SUMO3: variants seen among roughly 807,000 people sequenced by gnomAD.
SUMO3 encodes small ubiquitin like modifier 3.
SUMO3 carries 2 observed loss-of-function variants against 11.1 expected under a neutral mutation model. The observed-to-expected ratio is 0.18, with a 90% CI of 0.07 to 0.57. SUMO3 has a LOEUF of 0.57. Ranked by LOEUF, SUMO3 falls within the 20% of genes least tolerant of loss-of-function variation. SUMO3 has a pLI of 0.92. For synonymous variants in SUMO3, 56 were observed against 53.5 expected (o/e 1.05, Z -0.20); for missense variants, 70 against 132.8 (o/e 0.53, Z 2.32).
At chr21:44,817,911 C>T in intron 1 of SUMO3, 37 bp downstream of exon 1, 1 of 917,210 alleles carries the variant, frequency 1.1e-6, no homozygotes, top group Non-Finnish European at 1.3e-6. Context: ...GGGACGCCCG[C>T]GATAGACGCG....
chr21:44,806,963 C>A lies in SUMO3; in HGVS notation c.300G>T (p.Gly100=). The A allele has an allele frequency of 6.2e-7, 1 of 1,614,070 alleles. No homozygotes were observed. The stretch of plus-strand genomic sequence containing the variant: ...GGGGACGGGCCCTCTAGAAACTGTG[C>A]CCTGCCAGGCTGCTCTCCGGCACAC... ...TGGVPESSLA[G]HSF The change falls in exon 4 of 4, where the codon GGG becomes GGT. Residue 100 remains glycine (G), a synonymous_variant. Transcript: ENST00000332859.
chr21:44,810,283 T>C lies in SUMO3; in HGVS notation c.151-1165A>G, dbSNP rs2083202514. ...AAACGGGAGTGGGGATGGGCAGATA[T>C]GTCAATGCTGGGCTGAGCCAGAGGC... On this transcript the variant is annotated intron_variant, in intron 2 of 3. Coordinates refer to ENST00000332859, the MANE Select transcript of SUMO3 (RefSeq NM_006936.3). The surrounding 1 kb of genome is among the most constrained non-coding windows in gnomAD (Gnocchi z 4.1). Among the ~76,000 whole-genome samples, 1 of 152,072 alleles carries C rather than the reference T, an allele frequency of 6.6e-6. No individual in the cohort carries two copies.
intron 1 of SUMO3, among the ~76,000 whole-genome samples, chr21:44,814,442 C>T (rs1022785587): frequency 2.6e-5 from 4 of 152,226 alleles, no homozygotes; most frequent in African/African-American, 9.6e-5. Context: ...TGGCTCACAC[C>T]TGTTATCCCA....
chr21:44,806,676 G>T lies in SUMO3; in HGVS notation c.*275C>A, dbSNP rs138672270. On this transcript the variant is annotated 3_prime_UTR_variant, in exon 4 of 4. Transcript: ENST00000332859. ...TGGGGTTAAAAAAATGTTGTAGGAGGGGGGGAAAACACAAATGAGCACACA... is the reference window on the plus strand; with the variant it reads ...TGGGGTTAAAAAAATGTTGTAGGAGTGGGGGAAAACACAAATGAGCACACA... 1.5e-3 allele frequency: 1,004 copies of T among 691,586 alleles called. 6 individuals are homozygous for T. In the African/African-American group the frequency reaches 0.016, roughly 11 times the overall value. 42.8% of individuals were successfully genotyped at this position (691,586 alleles called of 1,614,324 possible).
chr21:44,812,353 T>C (rs2083217279), intron 2 of SUMO3, among the ~76,000 whole-genome samples: 1 of 152,092 alleles, frequency 6.6e-6, no homozygotes, highest in Non-Finnish European at 1.5e-5. Flanking sequence ...GTGCTGGGAT[T>C]ACAGGCATAA....
intron 2 of SUMO3, among the ~76,000 whole-genome samples, chr21:44,812,437 GA>G (rs112016907): frequency 1.2e-4 from 18 of 151,694 alleles, no homozygotes; most frequent in East Asian, 7.7e-4. Context: ...AAATAAAAAA[GA>G]AAAAAAAGTT....
At chr21:44,813,493 A>G in intron 2 of SUMO3, 1 of 276,520 alleles carries the variant, frequency 3.6e-6, no homozygotes, top group Admixed American at 4.7e-5. Flanking sequence ...GGAAAGAATC[A>G]CGCGCTTTCT....
In SUMO3 at chr21:44,807,451, G is replaced by A. The variant is rs2083184093; in HGVS notation, c.223-411C>T. ...CCTTGCGCTTTATACCAAGTGCGGG[G>A]GACCATGCCATGAAAGCCAAAGCCC... On this transcript the variant is annotated intron_variant, in intron 3 of 3. Coordinates refer to ENST00000332859, the MANE Select transcript of SUMO3 (RefSeq NM_006936.3). This position sits in a 1 kb window ranked among gnomAD's most constrained non-coding sequence, Gnocchi z 4.3. 6.6e-6 allele frequency among the ~76,000 whole-genome samples: 1 copy of A among 152,132 alleles called. No homozygotes were observed. The highest frequency in any genetic ancestry group is 1.9e-4 in the East Asian group (1 of 5,176).
chr21:44,806,919 A>G lies in SUMO3; in HGVS notation c.*32T>C. ...GTGCTCACCATTCAACAGCAATGCG[A>G]GGATGGACGGCCCGGGCTGGGGACG... On this transcript the variant is annotated 3_prime_UTR_variant, in exon 4 of 4. Transcript: ENST00000332859. 3 of 1,613,810 alleles carry G rather than the reference A, an allele frequency of 1.9e-6. No homozygotes were observed. The highest frequency in any genetic ancestry group is 2.5e-6 in the Non-Finnish European group (3 of 1,179,898).
At chr21:44,812,696 C>T (rs2083219563) in intron 2 of SUMO3, among the ~76,000 whole-genome samples, 1 of 152,232 alleles carries the variant, frequency 6.6e-6, no homozygotes, top group Non-Finnish European at 1.5e-5. Flanking sequence ...AGCAGCCAGC[C>T]TCACAAGCAG....
Position 44,806,656 on chromosome 21 carries a change from T to G in SUMO3, c.*295A>C. 1.8e-6 allele frequency: 1 copy of G among 548,408 alleles called. No homozygotes were observed. The highest frequency in any genetic ancestry group is 2.8e-6 in the Non-Finnish European group (1 of 355,970). 34.0% of individuals were successfully genotyped at this position (548,408 alleles called of 1,614,324 possible). A position where few individuals can be genotyped will look rare whatever the true frequency, so the allele number is the denominator to read the frequency against. ...GAACATTCAGGCTATAATTTTGGGGTTAAAAAAATGTTGTAGGAGGGGGGG... is the reference window on the plus strand; with the variant it reads ...GAACATTCAGGCTATAATTTTGGGGGTAAAAAAATGTTGTAGGAGGGGGGG... On this transcript the variant is annotated 3_prime_UTR_variant, in exon 4 of 4. Coordinates refer to ENST00000332859, the MANE Select transcript of SUMO3 (RefSeq NM_006936.3).
At chr21:44,814,136 CTG>C (rs768993649) in intron 1 of SUMO3, 32 bp from the exon 2 acceptor site, 4 of 1,596,692 alleles carry the variant, frequency 2.5e-6, no homozygotes, top group East Asian at 2.3e-5. Context: ...GGCCTCAAAA[CTG>C]TGTCTCAAAA....
Position 44,810,318 on chromosome 21 carries a change from GTGGACACTGGTGGTCTGA to G in SUMO3, c.151-1218_151-1201del, listed in dbSNP as rs2083202687. Among the ~76,000 whole-genome samples, 1 of 152,192 alleles carries G rather than the reference GTGGACACTGGTGGTCTGA, an allele frequency of 6.6e-6. No individual in the cohort carries two copies. Among genetic ancestry groups the G allele is most frequent in the South Asian group, 2.1e-4 (1 of 4,830 alleles). On this transcript the variant is annotated intron_variant, in intron 2 of 3. Transcript: ENST00000332859. The surrounding 1 kb of genome is among the most constrained non-coding windows in gnomAD (Gnocchi z 4.1). ...GGGCTGAGCCAGAGGCTACTGAGGC[GTGGACACTGGTGGTCTGA>G]TGGACACTGGACCAGGATCCTAGGG...
Position 44,810,824 on chromosome 21 carries a change from C to T in SUMO3, c.151-1706G>A, listed in dbSNP as rs143788750. Among the ~76,000 whole-genome samples, 374 of 152,172 alleles carry T rather than the reference C, an allele frequency of 2.5e-3. 2 individuals are homozygous for T. Among genetic ancestry groups the T allele is most frequent in the Middle Eastern group, 0.024 (7 of 294 alleles). On this transcript the variant is annotated intron_variant, in intron 2 of 3. Transcript: ENST00000332859. The surrounding 1 kb of genome is among the most constrained non-coding windows in gnomAD (Gnocchi z 4.1). ...GTGAGAGCAGTCAGGGAAAGGCTCACTGTGCAGCAGCCTAGAGAGGAGGGG... is the reference window on the plus strand; with the variant it reads ...GTGAGAGCAGTCAGGGAAAGGCTCATTGTGCAGCAGCCTAGAGAGGAGGGG...
Position 44,806,865 on chromosome 21 carries a change from G to A in SUMO3, c.*86C>T, listed in dbSNP as rs149347205. 2.1e-4 allele frequency: 335 copies of A among 1,565,030 alleles called. 1 individual carries two copies. In the African/African-American group the frequency reaches 4.0e-3, roughly 19 times the overall value. On this transcript the variant is annotated 3_prime_UTR_variant, in exon 4 of 4. Transcript: ENST00000332859. ...TCGTGGTGAATGTCCTCGAGTTTCC[G>A]CAGACACCTTTGTGGTCGGCATGGT...
chr21:44,806,672 G>A lies in SUMO3; in HGVS notation c.*279C>T, dbSNP rs1219406344. 6.0e-6 allele frequency: 4 copies of A among 664,794 alleles called. No homozygotes were observed. In the South Asian group the frequency reaches 6.9e-5, roughly 11 times the overall value. 41.2% of individuals were successfully genotyped at this position (664,794 alleles called of 1,614,324 possible). A position where few individuals can be genotyped will look rare whatever the true frequency, so the allele number is the denominator to read the frequency against. On this transcript the variant is annotated 3_prime_UTR_variant, in exon 4 of 4. Transcript: ENST00000332859. Reference sequence around the variant, plus strand: ...ATTTTGGGGTTAAAAAAATGTTGTAGGAGGGGGGGAAAACACAAATGAGCA... The same window carrying A: ...ATTTTGGGGTTAAAAAAATGTTGTAAGAGGGGGGGAAAACACAAATGAGCA...
intron 1 of SUMO3, 117 bp downstream of exon 1, chr21:44,817,831 G>GGAGGGGCGGAGCCTGTCAGGGGC (rs2083256870): frequency 6.3e-6 from 1 of 159,348 alleles, no homozygotes; most frequent in Non-Finnish European, 1.3e-5. Flanking sequence ...TAGAGGGCGG[G>GGAGGGGCGGAGCCTGTCAGGGGC]GAGGGGCGGA....
chr21:44,813,802 G>C, intron 2 of SUMO3, 174 bp downstream of exon 2: 1 of 1,511,020 alleles, frequency 6.6e-7, no homozygotes, highest in Non-Finnish European at 8.8e-7. Context: ...TGGGGGACAA[G>C]CCCAGCCTGG....
At chr21:44,809,163 G>A in intron 2 of SUMO3, 45 bp from the exon 3 acceptor site, 2 of 1,592,024 alleles carry the variant, frequency 1.3e-6, no homozygotes, top group Non-Finnish European at 8.6e-7. Flanking sequence ...GGCAAGCCCT[G>A]GAAAGGAAAA....
Sources: gnomAD v4.1 joint callset for allele counts (sites outside exome capture counted in the v4.1 genomes callset) on GRCh38, gnomAD v4.1.1 for gene constraint, Gnocchi (gnomAD v3.1) non-coding constraint, MANE v1.5 for transcripts, NCBI Gene and HGNC (gene_info 2026-07-23, HGNC 2026-07-21) for gene names.